PALS2: variants seen among roughly 807,000 people sequenced by gnomAD.
The protein encoded by PALS2 is protein PALS2.
A neutral mutation model predicts 61.6 loss-of-function variants in PALS2; 27 were observed. The ratio of observed to expected loss-of-function variants is 0.44; its 90% confidence interval spans 0.32 to 0.60. The LOEUF (loss-of-function observed/expected upper bound fraction) is 0.60. Ranked by LOEUF, PALS2 falls within the 20% of genes least tolerant of loss-of-function variation. The pLI, the probability that PALS2 is intolerant of heterozygous loss-of-function variation, is 0.05. For synonymous variants in PALS2, 236 were observed against 218.6 expected, an observed-to-expected ratio of 1.08 and a Z score of -0.70; for missense variants, 554 against 639.4, an observed-to-expected ratio of 0.87 and a Z score of 1.44.
chr7:24,671,366 T>C (rs1431460063), intron 9 of PALS2, among the ~76,000 whole-genome samples: 1 of 152,208 alleles, frequency 6.6e-6, no homozygotes, highest in Non-Finnish European at 1.5e-5. Flanking sequence ...CATTTTTCAG[T>C]TAGGTTATTT....
intron 3 of PALS2, among the ~76,000 whole-genome samples, chr7:24,644,022 G>T (rs1562636758): frequency 6.7e-6 from 1 of 150,148 alleles, no homozygotes; most frequent in African/African-American, 2.4e-5. Context: ...TACAAATTCT[G>T]TTCTCTATCA....
chr7:24,575,326 T>C (rs1782603482), intron 1 of PALS2, among the ~76,000 whole-genome samples: 1 of 152,210 alleles, frequency 6.6e-6, no homozygotes, highest in African/African-American at 2.4e-5. Flanking sequence ...GCAAGTCTAG[T>C]AGCTCTATAT....
At chr7:24,650,891 A>C (rs964919731) in intron 5 of PALS2, among the ~76,000 whole-genome samples, 179 bp downstream of exon 5, 7 of 152,182 alleles carry the variant, frequency 4.6e-5, no homozygotes, top group Admixed American at 1.3e-4. Context: ...ATGCTATTTT[A>C]CTATTGTAAA....
chr7:24,650,741 A>G, intron 5 of PALS2, 29 bp downstream of exon 5: 1 of 1,378,060 alleles, frequency 7.3e-7, no homozygotes, highest in Non-Finnish European at 9.9e-7. Context: ...GGTAGTATTA[A>G]AAATACTTTC....
chr7:24,652,029 A>G (rs531604964), intron 5 of PALS2, among the ~76,000 whole-genome samples: 10 of 152,346 alleles, frequency 6.6e-5, no homozygotes, highest in African/African-American at 2.4e-4. Flanking sequence ...ATTGTGAAAA[A>G]TAAATGATAT....
chr7:24,621,738 TTTAAC>T (rs1784530610), intron 1 of PALS2, among the ~76,000 whole-genome samples: 1 of 151,968 alleles, frequency 6.6e-6, no homozygotes, highest in Non-Finnish European at 1.5e-5. Flanking sequence ...CAATCTGACT[TTTAAC>T]AGTGTTTATA....
chr7:24,638,490 C>G (rs1403400422), intron 2 of PALS2, among the ~76,000 whole-genome samples: 1 of 76,252 alleles, frequency 1.3e-5, no homozygotes, highest in Non-Finnish European at 2.1e-5. Flanking sequence ...GCCACTACGC[C>G]CGGCTAATTT....
chr7:24,643,799 C>G (rs952362562), intron 3 of PALS2, among the ~76,000 whole-genome samples: 10 of 152,110 alleles, frequency 6.6e-5, no homozygotes, highest in Admixed American at 2.0e-4. Flanking sequence ...AACAGAAGTT[C>G]TATCTAAAAA....
chr7:24,659,085 C>T (rs946560488), intron 5 of PALS2, among the ~76,000 whole-genome samples: 2 of 152,128 alleles, frequency 1.3e-5, no homozygotes, highest in Non-Finnish European at 2.9e-5. Context: ...CACCCACTTA[C>T]AAGTGAGAAC....
chr7:24,587,352 ATAC>A (rs1783107859), intron 1 of PALS2, among the ~76,000 whole-genome samples: 1 of 151,988 alleles, frequency 6.6e-6, no homozygotes, highest in Non-Finnish European at 1.5e-5. Flanking sequence ...GAAAATAAAG[ATAC>A]TAATAGTAAG....
chr7:24,636,212 CAAAAAA>C (rs553687246), intron 2 of PALS2, among the ~76,000 whole-genome samples: 9 of 65,346 alleles, frequency 1.4e-4, no homozygotes, highest in South Asian at 5.0e-4. Context: ...AACTCTATCT[CAAAAAA>C]AAAAAAAAAA....
chr7:24,670,838 T>C (rs1253012031), intron 9 of PALS2, among the ~76,000 whole-genome samples: 1 of 152,246 alleles, frequency 6.6e-6, no homozygotes, highest in Non-Finnish European at 1.5e-5. Context: ...TCAGATCTCA[T>C]CTGCATTGTA....
At chr7:24,632,056 A>G (rs1194069479) in intron 2 of PALS2, among the ~76,000 whole-genome samples, 2 of 152,216 alleles carry the variant, frequency 1.3e-5, no homozygotes, top group Non-Finnish European at 2.9e-5. Context: ...GAAACCTTCA[A>G]CTATAATAGT....
intron 9 of PALS2, 74 bp from the exon 10 acceptor site, chr7:24,679,057 A>G (rs755304716): frequency 2.8e-5 from 38 of 1,362,914 alleles, no homozygotes; most frequent in Non-Finnish European, 3.8e-5. Context: ...ACGTTAAGCC[A>G]CCCTATGTAT....
chr7:24,627,692 C>T (rs924706389), intron 2 of PALS2, among the ~76,000 whole-genome samples: 2 of 152,146 alleles, frequency 1.3e-5, no homozygotes, highest in African/African-American at 4.8e-5. Flanking sequence ...GATACCATCA[C>T]TGATCCCGCA....
rs530500527 is a variant in PALS2 at position 24,644,255 on chromosome 7, T to C, written c.270+2387T>C. Among the ~76,000 whole-genome samples the C allele has an allele frequency of 7.2e-5, 11 of 152,156 alleles. No individual in the cohort carries two copies. In the South Asian group the frequency reaches 2.3e-3, roughly 32 times the overall value. ...TTATCTTGTCTGTTTCTCTCCCTTCTCTCACCCTCCCCACTCAGGTAGACC... is the reference window on the plus strand; with the variant it reads ...TTATCTTGTCTGTTTCTCTCCCTTCCCTCACCCTCCCCACTCAGGTAGACC... On this transcript the variant is annotated intron_variant, in intron 3 of 11. Transcript: ENST00000222644.
rs191198511 is a variant in PALS2 at position 24,663,085 on chromosome 7, A to T, written c.652-505A>T. On this transcript the variant is annotated intron_variant, in intron 5 of 11. Transcript: ENST00000222644. ...AGATGAGCATATAAATCAGAGCAAG[A>T]TGATTAAAAAAGTATTTAAGGCTAC... Among the ~76,000 whole-genome samples, 138 of 151,160 alleles carry T rather than the reference A, an allele frequency of 9.1e-4. 1 individual carries two copies. Among genetic ancestry groups the T allele is most frequent in the Admixed American group, 1.6e-3 (24 of 15,234 alleles).
In PALS2 at chr7:24,652,819, G is replaced by A. The variant is rs192554468; in HGVS notation, c.651+2107G>A. On this transcript the variant is annotated intron_variant, in intron 5 of 11. Transcript: ENST00000222644. The stretch of plus-strand genomic sequence containing the variant: ...AAGCCAAGAACTCTTCCCTACCACG[G>A]TAATGTTTTTCAAAAGCATAGTCAG... Among the ~76,000 whole-genome samples the A allele has an allele frequency of 2.0e-5, 3 of 152,272 alleles. No individual in the cohort carries two copies. The East Asian group carries it at 5.8e-4, about 29-fold the overall frequency.
chr7:24,624,008 C>G, intron 2 of PALS2: 1 of 1,196,418 alleles, frequency 8.4e-7, no homozygotes, highest in Non-Finnish European at 1.2e-6. Context: ...TTAGTTTTGG[C>G]GTAATGCCTT....
Sources: allele counts gnomAD v4.1 joint callset (sites outside exome capture counted in the v4.1 genomes callset), GRCh38; gene constraint gnomAD v4.1.1; transcripts MANE v1.5; gene names NCBI Gene and HGNC (gene_info 2026-07-23, HGNC 2026-07-21).